MATR3: variants seen among roughly 807,000 people sequenced by gnomAD.
The protein encoded by MATR3 is matrin 3.
In MATR3, 4 loss-of-function variants were observed where a neutral mutation model predicts 85.5. That is an observed-to-expected ratio of 0.05 (90% confidence interval 0.02 to 0.11). MATR3 has a LOEUF of 0.11. Ranked by LOEUF, MATR3 falls within the 10% of genes least tolerant of loss-of-function variation. The probability of loss-of-function intolerance (pLI) is 1.00; values close to 1 mark genes in which losing one functional copy is unlikely to be tolerated. For missense variants in MATR3, 685 were observed against 1,016.1 expected, an observed-to-expected ratio of 0.67 and a Z score of 4.43; for synonymous variants, 336 against 343.1, an observed-to-expected ratio of 0.98 and a Z score of 0.23.
At chr5:139,288,249 T>C (rs1224424026) in intron 3 of MATR3, among the ~76,000 whole-genome samples, 4 of 152,172 alleles carry the variant, frequency 2.6e-5, no homozygotes, top group Non-Finnish European at 5.9e-5. Flanking sequence ...CCAAACTTTT[T>C]TTCCTTTGTG....
At chr5:139,306,715 T>C (rs1437077370) in intron 1 of MATR3, among the ~76,000 whole-genome samples, 2 of 152,246 alleles carry the variant, frequency 1.3e-5, no homozygotes, top group East Asian at 1.9e-4. Context: ...TCAGCTATTA[T>C]GTTTGGTCTT....
At chr5:139,281,306 C>A (rs1252852196) in intron 3 of MATR3, among the ~76,000 whole-genome samples, 1 of 150,092 alleles carries the variant, frequency 6.7e-6, no homozygotes, top group Non-Finnish European at 1.5e-5. Context: ...TCCTGAGTAG[C>A]TAGGATTACA....
chr5:139,326,403 G>T, intron 14 of MATR3, 119 bp downstream of exon 14: 2 of 864,668 alleles, frequency 2.3e-6, no homozygotes, highest in Non-Finnish European at 3.5e-6. Context: ...GCTTTCTCCT[G>T]AAGATAACTT....
intron 3 of MATR3, among the ~76,000 whole-genome samples, chr5:139,287,700 G>T (rs1395137045): frequency 1.3e-5 from 2 of 151,898 alleles, no homozygotes; most frequent in African/African-American, 4.8e-5. Context: ...TTCTTGCTTT[G>T]AAAGGCCCCA....
chr5:139,289,530 T>C (rs527591491), upstream of MATR3, among the ~76,000 whole-genome samples: 11 of 152,366 alleles, frequency 7.2e-5, no homozygotes, highest in East Asian at 1.9e-4. Flanking sequence ...ACAGAGTAAA[T>C]TGATATTAGC....
intron 2 of MATR3, chr5:139,313,275 T>A (rs1755083762): frequency 6.6e-6 from 1 of 151,978 alleles, no homozygotes; most frequent in Non-Finnish European, 1.5e-5. Context: ...ATAATAGTTG[T>A]AAAGCAGGAA....
In MATR3 at chr5:139,325,682, T is replaced by A. The variant is rs1275838954; in HGVS notation, c.2371+20T>A. ...CTGTTGGTGAGATTTAAGTCTTTGT[T>A]CTTCACCTTCCTCACTCTCCTCAAA... On this transcript the variant is annotated intron_variant, in intron 13 of 14. Transcript: ENST00000394805. The A allele has an allele frequency of 6.3e-7, 1 of 1,592,708 alleles. No homozygotes were observed. The highest frequency in any genetic ancestry group is 1.7e-5 in the Admixed American group (1 of 59,984).
upstream of MATR3, among the ~76,000 whole-genome samples, chr5:139,289,473 T>C (rs1034887373): frequency 3.3e-5 from 5 of 152,326 alleles, no homozygotes; most frequent in South Asian, 1.0e-3. Context: ...TACATAAATA[T>C]ATAAATTTCC....
intron 1 of MATR3, among the ~76,000 whole-genome samples, chr5:139,301,063 C>T (rs1046692450): frequency 1.3e-5 from 2 of 152,156 alleles, no homozygotes; most frequent in Non-Finnish European, 2.9e-5. Context: ...GATTCTCCCA[C>T]CTCAGCTTCC....
intron 3 of MATR3, 105 bp downstream of exon 3, chr5:139,314,841 A>G: frequency 1.0e-6 from 1 of 975,698 alleles, no homozygotes; most frequent in Non-Finnish European, 1.6e-6. Context: ...CAATGTTAAT[A>G]TCACATAGTG....
chr5:139,320,743 C>CTTTT lies in MATR3; in HGVS notation c.1603-1136_1603-1133dup, dbSNP rs1175972721. ...CTATTTTAATATCTTAAGCTTATTA[C>CTTTT]TTTTTTTTTTTTTTTTTTTTTTGAG... On this transcript the variant is annotated intron_variant, in intron 9 of 14. Transcript: ENST00000394805. Among the ~76,000 whole-genome samples, 98 of 102,406 alleles carry CTTTT rather than the reference C, an allele frequency of 9.6e-4. 3 individuals are homozygous for CTTTT. The highest frequency in any genetic ancestry group is 4.2e-3 in the African/African-American group (86 of 20,702). 67.2% of individuals were successfully genotyped at this position (102,406 alleles called of 152,430 possible).
In MATR3 at chr5:139,308,235, C is replaced by T. The variant is rs568839934; in HGVS notation, c.820C>T (p.Pro274Ser). Residue 274 changes from proline to serine, a missense_variant, in exon 2 of 15, where the codon CCA (proline) becomes TCA (serine). By Grantham distance (74) the Pro-to-Ser change is moderately conservative. Transcript: ENST00000394805. Reference protein sequence around the residue: ...SLFEKKRGAPPSSNIEDFHGL... With the variant: ...SLFEKKRGAPSSSNIEDFHGL... ...CTTTGAGAAAAAGAGAGGCGCTCCTCCAAGTAGCAATATTGAAGACTTCCA... is the reference window on the plus strand; with the variant it reads ...CTTTGAGAAAAAGAGAGGCGCTCCTTCAAGTAGCAATATTGAAGACTTCCA... 13 of 1,614,082 alleles carry T rather than the reference C, an allele frequency of 8.1e-6. No individual in the cohort carries two copies. The highest frequency in any genetic ancestry group is 1.1e-5 in the Non-Finnish European group (13 of 1,179,998).
intron 1 of MATR3, among the ~76,000 whole-genome samples, chr5:139,304,284 G>A (rs1166033371): frequency 1.3e-5 from 2 of 152,044 alleles, no homozygotes; most frequent in Admixed American, 1.3e-4. Flanking sequence ...CGAGGCAGGG[G>A]GATCACCTGA....
intron 1 of MATR3, among the ~76,000 whole-genome samples, chr5:139,301,082 T>TC (rs1754416932): frequency 6.6e-6 from 1 of 152,192 alleles, no homozygotes. Context: ...CCCAAAGTGC[T>TC]AGGATTACAG....
At chr5:139,300,854 C>T (rs1048969707) in intron 1 of MATR3, among the ~76,000 whole-genome samples, 1 of 151,746 alleles carries the variant, frequency 6.6e-6, no homozygotes, top group African/African-American at 2.4e-5. Context: ...GCTCTTGTTG[C>T]CCAGGCTGGA....
At chr5:139,328,085 A>G (rs1392844599) in intron 14 of MATR3, among the ~76,000 whole-genome samples, 2 of 150,178 alleles carry the variant, frequency 1.3e-5, no homozygotes, top group African/African-American at 4.9e-5. Context: ...CTGGTCTTGA[A>G]CTTCTGACCT....
chr5:139,324,289 TG>T (rs1410050753), intron 12 of MATR3, among the ~76,000 whole-genome samples: 64 of 123,784 alleles, frequency 5.2e-4, no homozygotes, highest in African/African-American at 1.3e-3. Flanking sequence ...AGAGCATGAT[TG>T]TTTTTTTTTT....
chr5:139,315,983 T>A (rs1253399592), intron 4 of MATR3, 93 bp from the exon 5 acceptor site: 1 of 950,788 alleles, frequency 1.1e-6, no homozygotes, highest in Non-Finnish European at 1.7e-6. Context: ...GAAGTGGTTG[T>A]GGTCATATAT....
chr5:139,278,258 C>T (rs1052640510), intron 2 of MATR3: 7 of 450,792 alleles, frequency 1.6e-5, no homozygotes, highest in Admixed American at 1.2e-4. Flanking sequence ...TACACACACA[C>T]ACACAATGCA....
Sources: allele counts gnomAD v4.1 joint callset (sites outside exome capture counted in the v4.1 genomes callset), GRCh38; gene constraint gnomAD v4.1.1; transcripts MANE v1.5; gene names NCBI Gene and HGNC (gene_info 2026-07-23, HGNC 2026-07-21).